Variants in PDC observed in about 807,000 individuals in gnomAD.
PDC encodes 33 kDa phototransducing protein.
A neutral mutation model predicts 22.2 loss-of-function variants in PDC; 19 were observed. That is an observed-to-expected ratio of 0.86 (90% CI 0.60 to 1.26). PDC has a LOEUF of 1.26. Ranked by LOEUF, PDC falls within the 50% of genes most tolerant of loss-of-function variation. The pLI is 0.00. For synonymous variants in PDC, 97 were observed against 96.2 expected (o/e 1.01, Z -0.05); for missense variants, 274 against 286.8 (o/e 0.96, Z 0.32).
chr1:186,459,750 GTGTATA>G lies in PDC; in HGVS notation c.-25+1303_-25+1308del, dbSNP rs1455827781. 1.6e-3 allele frequency among the ~76,000 whole-genome samples: 108 copies of G among 68,592 alleles called. No homozygotes were observed. The East Asian group carries it at 0.017, about 11-fold the overall frequency. The allele number at this position is 68,592 out of a possible 152,430, so 45.0% of individuals were successfully genotyped here. A position where few individuals can be genotyped will look rare whatever the true frequency, so the allele number is the denominator to read the frequency against. On this transcript the variant is annotated intron_variant, in intron 1 of 3. Coordinates refer to ENST00000391997, the MANE Select transcript of PDC (RefSeq NM_002597.5). ...GGTACAATGGACAATATGTGTGTGT[GTGTATA>G]TATATATATATATATATATATATAT...
At chr1:186,448,869 A>G (rs1040878158) in intron 2 of PDC, 2 of 153,912 alleles carry the variant, frequency 1.3e-5, no homozygotes, top group Non-Finnish European at 2.9e-5. Context: ...AGCTCTTAGG[A>G]GTGGCATATA....
chr1:186,443,897 G>A lies in PDC; in HGVS notation c.*82C>T. 2 of 993,766 alleles carry A rather than the reference G, an allele frequency of 2.0e-6. No homozygotes were observed. Among genetic ancestry groups the A allele is most frequent in the Non-Finnish European group, 3.1e-6 (2 of 654,960 alleles). 61.6% of individuals were successfully genotyped at this position (993,766 alleles called of 1,614,324 possible). ...TAGCATAGCCGTGCCCATACTCTGT[G>A]TTCACTAAAGCAATATAGATACTAC... On this transcript the variant is annotated 3_prime_UTR_variant, in exon 4 of 4. Coordinates refer to ENST00000391997, the MANE Select transcript of PDC (RefSeq NM_002597.5).
At chr1:186,450,818 C>T (rs971210095) in intron 1 of PDC, among the ~76,000 whole-genome samples, 1 of 152,140 alleles carries the variant, frequency 6.6e-6, no homozygotes, top group African/African-American at 2.4e-5. Flanking sequence ...ATTATACATA[C>T]TAACATATTC....
rs1662228546 is a variant in PDC, at chr1:186,446,424, A to C, written c.213+2T>G. On this transcript the variant is annotated splice_donor_variant, in intron 3 of 3. Transcript: ENST00000391997. LOFTEE classifies it high-confidence loss of function. ...TTATTACTGCTTTTTGTATTATCTT[A>C]CCTTTCTGCTGACTCGTTCCTTTGA... is the stretch of plus-strand genomic sequence containing the variant. 1.3e-6 allele frequency: 2 copies of C among 1,583,288 alleles called. No individual in the cohort carries two copies. The highest frequency in any genetic ancestry group is 2.3e-5 in the South Asian group (2 of 86,276).
chr1:186,460,543 A>G (rs1036448775), intron 1 of PDC, among the ~76,000 whole-genome samples: 2 of 152,206 alleles, frequency 1.3e-5, no homozygotes, highest in Non-Finnish European at 2.9e-5. Context: ...TATAAATTAA[A>G]CTTTATCACA....
Position 186,455,971 on chromosome 1 carries a change from C to CAA in PDC, c.-25+5086_-25+5087dup, listed in dbSNP as rs1213649798. Among the ~76,000 whole-genome samples, 66 of 8,650 alleles carry CAA rather than the reference C, an allele frequency of 7.6e-3. 5 individuals are homozygous for CAA. The highest frequency in any genetic ancestry group is 9.4e-3 in the African/African-American group (27 of 2,866). 5.7% of individuals were successfully genotyped at this position (8,650 alleles called of 152,430 possible). On this transcript the variant is annotated intron_variant, in intron 1 of 3. Transcript: ENST00000391997. ...TGGGCAACAGAGCGCGACTCCGTCTCAAAAAAAAAAAAAAAAAAAAAAAAT... is the reference window on the plus strand; with the variant it reads ...TGGGCAACAGAGCGCGACTCCGTCTCAAAAAAAAAAAAAAAAAAAAAAAAAAT...
At position 186,444,438 on chromosome 1, in the gene PDC, A is replaced by G; in HGVS notation, c.282T>C (p.Arg94=). Residue 94 remains arginine (R), a synonymous_variant, in exon 4 of 4, where the codon CGT becomes CGC. Transcript: ENST00000391997. ...GGTGCATATCCTGCATACACTGTCT[A>G]CGGTATTTACGAAGGCAGTTTTCAT... is the stretch of plus-strand genomic sequence containing the variant. The part of the protein sequence containing the change: ...KEDENCLRKY[R]RQCMQDMHQK... The G allele has an allele frequency of 6.2e-7, 1 of 1,611,688 alleles. No homozygotes were observed. The highest frequency in any genetic ancestry group is 8.5e-7 in the Non-Finnish European group (1 of 1,177,868).
chr1:186,444,462 A>C lies in PDC; in HGVS notation c.258T>G (p.Asp86Glu), dbSNP rs141951413. Residue 86 changes from aspartate to glutamate, a missense_variant, in exon 4 of 4, where the codon GAT (aspartate) becomes GAG (glutamate). Physicochemically the swap from Asp to Glu is conservative, Grantham distance 45. Coordinates refer to ENST00000391997, the MANE Select transcript of PDC (RefSeq NM_002597.5). The part of the protein sequence containing the change: ...EYELIHKEKE[D>E]ENCLRKYRRQ... ...TACGGTATTTACGAAGGCAGTTTTC[A>C]TCCTCTTTCTCTTTATGGATTAGTT... The C allele has an allele frequency of 1.2e-6, 2 of 1,609,140 alleles. No individual in the cohort carries two copies. The highest frequency in any genetic ancestry group is 2.2e-5 in the South Asian group (2 of 90,882).
At chr1:186,446,807 T>C (rs1467605033) in intron 2 of PDC, among the ~76,000 whole-genome samples, 4 of 152,202 alleles carry the variant, frequency 2.6e-5, no homozygotes, top group Non-Finnish European at 5.9e-5. Context: ...ACATTTGTAC[T>C]AATGAAAATA....
At chr1:186,460,141 C>T (rs879645438) in intron 1 of PDC, among the ~76,000 whole-genome samples, 21 of 152,172 alleles carry the variant, frequency 1.4e-4, no homozygotes, top group Admixed American at 8.5e-4. Flanking sequence ...GCCTTAGCGC[C>T]GGATGAATAC....
At chr1:186,453,948 AT>A (rs1272701670) in intron 1 of PDC, among the ~76,000 whole-genome samples, 1 of 152,162 alleles carries the variant, frequency 6.6e-6, no homozygotes, top group Non-Finnish European at 1.5e-5. Flanking sequence ...TTCCACTTCA[AT>A]AAAATGCTTA....
At chr1:186,455,997 ATATAT>A (rs1558131930) in intron 1 of PDC, among the ~76,000 whole-genome samples, 2,288 of 67,180 alleles carry the variant, frequency 0.034, 202 homozygotes, top group East Asian at 0.11. Flanking sequence ...AAAAAAAAAT[ATATAT>A]ATATATATAT....
At chr1:186,452,843 A>G (rs530240194) in intron 1 of PDC, among the ~76,000 whole-genome samples, 1 of 152,296 alleles carries the variant, frequency 6.6e-6, no homozygotes, top group South Asian at 2.1e-4. Context: ...GAAGGTAAAA[A>G]TCTTGCCTTC....
chr1:186,455,860 T>G, intron 1 of PDC, among the ~76,000 whole-genome samples: 1 of 129,358 alleles, frequency 7.7e-6, no homozygotes, highest in African/African-American at 3.1e-5. Flanking sequence ...TAGTTCCAGC[T>G]ACTCGGGAGG....
chr1:186,459,244 T>C (rs1288936076), intron 1 of PDC, among the ~76,000 whole-genome samples: 1 of 152,172 alleles, frequency 6.6e-6, no homozygotes, highest in Non-Finnish European at 1.5e-5. Context: ...TCTAAGATCC[T>C]GCTTTGCAGA....
intron 2 of PDC, 76 bp from the exon 3 acceptor site, chr1:186,446,653 A>G: frequency 1.1e-6 from 1 of 871,346 alleles, no homozygotes; most frequent in Non-Finnish European, 1.7e-6. Flanking sequence ...AATTTGTGTA[A>G]GTATTGTCAT....
At chr1:186,445,233 G>A (rs1662199216) in intron 3 of PDC, among the ~76,000 whole-genome samples, 1 of 152,142 alleles carries the variant, frequency 6.6e-6, no homozygotes, top group Non-Finnish European at 1.5e-5. Context: ...AATAGATGTG[G>A]AGCAGCTCAG....
intron 1 of PDC, among the ~76,000 whole-genome samples, chr1:186,456,012 TATATATATATA>T (rs1558131999): frequency 8.1e-6 from 1 of 123,472 alleles, no homozygotes; most frequent in African/African-American, 3.1e-5. Flanking sequence ...TATATATATA[TATATATATATA>T]TATGCATGCC....
chr1:186,460,063 T>C (rs1662551461), intron 1 of PDC, among the ~76,000 whole-genome samples: 1 of 152,046 alleles, frequency 6.6e-6, no homozygotes, highest in African/African-American at 2.4e-5. Context: ...ATTTCTACTT[T>C]AAAAATTAAA....
Sources: allele counts gnomAD v4.1 joint callset (sites outside exome capture counted in the v4.1 genomes callset), GRCh38; gene constraint gnomAD v4.1.1; transcripts MANE v1.5; gene names NCBI Gene and HGNC (gene_info 2026-07-23, HGNC 2026-07-21).